Variants in PCDHA10 observed in about 807,000 individuals in gnomAD.
PCDHA10 encodes protocadherin alpha-10.
Under a neutral mutation model 61.2 loss-of-function variants are expected in PCDHA10, and 45 were observed. The ratio of observed to expected loss-of-function variants is 0.74; its 90% confidence interval spans 0.58 to 0.94. The LOEUF (loss-of-function observed/expected upper bound fraction) is 0.94. PCDHA10 is among the 40% of genes least tolerant of loss of function. The probability of loss-of-function intolerance (pLI) is 0.00; values close to 1 mark genes in which losing one functional copy is unlikely to be tolerated. For missense variants in PCDHA10, 1,278 were observed against 1,236.2 expected (o/e 1.03, Z -0.51); for synonymous variants, 602 against 548.8 (o/e 1.10, Z -1.35).
chr5:141,006,207 T>C (rs1434083054), intron 3 of PCDHA10, among the ~76,000 whole-genome samples: 4 of 150,998 alleles, frequency 2.6e-5, no homozygotes, highest in Non-Finnish European at 5.9e-5. Context: ...TTATGCCTCA[T>C]TTTTTTTTAA....
chr5:140,982,373 T>C, intron 2 of PCDHA10, 102 bp from the exon 3 acceptor site: 1 of 1,559,640 alleles, frequency 6.4e-7, no homozygotes, highest in Non-Finnish European at 8.7e-7. Context: ...ATGTGTTAGC[T>C]GCAGCCCTGG....
intron 1 of PCDHA10, among the ~76,000 whole-genome samples, chr5:140,919,556 A>G (rs980403400): frequency 5.9e-5 from 9 of 152,186 alleles, no homozygotes; most frequent in African/African-American, 2.2e-4. Context: ...ACTGATTTAT[A>G]TTAAGTGAAT....
intron 1 of PCDHA10, chr5:140,867,192 C>T (rs2049812222): frequency 1.3e-5 from 2 of 152,080 alleles, no homozygotes; most frequent in African/African-American, 4.8e-5. Flanking sequence ...CGCAAGACTC[C>T]ACATTCCATG....
intron 1 of PCDHA10, among the ~76,000 whole-genome samples, chr5:140,964,575 G>A (rs2153740589): frequency 6.6e-6 from 1 of 152,212 alleles, no homozygotes; most frequent in East Asian, 1.9e-4. Flanking sequence ...GGAGATAAGG[G>A]GAGGAAAGAT....
chr5:140,913,558 G>T (rs1042223174), intron 1 of PCDHA10, among the ~76,000 whole-genome samples: 5 of 151,668 alleles, frequency 3.3e-5, no homozygotes, highest in Admixed American at 3.3e-4. Flanking sequence ...TTGATCTCTT[G>T]TATTTTCATC....
intron 1 of PCDHA10, chr5:140,968,218 A>C (rs1586280879): frequency 6.2e-7 from 1 of 1,614,012 alleles, no homozygotes. Flanking sequence ...ACAATTTGCC[A>C]GGTGTGTTGC....
intron 3 of PCDHA10, among the ~76,000 whole-genome samples, chr5:140,999,657 C>A (rs1257419150): frequency 6.6e-6 from 1 of 152,156 alleles, no homozygotes; most frequent in Non-Finnish European, 1.5e-5. Flanking sequence ...CTGAGCCCTG[C>A]TGGGTTGCGG....
At chr5:140,922,241 G>A (rs1314775680) in intron 1 of PCDHA10, among the ~76,000 whole-genome samples, 1 of 152,192 alleles carries the variant, frequency 6.6e-6, no homozygotes, top group Non-Finnish European at 1.5e-5. Context: ...TGATGTGTAT[G>A]AAGATAAGTT....
chr5:140,993,462 TCACACACACACACACACACACACA>T (rs3836747), intron 3 of PCDHA10, among the ~76,000 whole-genome samples: 3 of 140,938 alleles, frequency 2.1e-5, no homozygotes, highest in African/African-American at 5.3e-5. Flanking sequence ...TCTTTCTTTC[TCACACACACACACACACACACACA>T]CACACACACA....
rs149731120 is a variant in PCDHA10 at position 140,857,612 on chromosome 5, C to T, written c.1564C>T (p.Leu522=). Residue 522 remains leucine, a synonymous_variant, in exon 1 of 4, where the codon CTG becomes TTG. Coordinates refer to ENST00000307360, the MANE Select transcript of PCDHA10 (RefSeq NM_018901.4). The part of the protein sequence containing the change: ...ESGKVYALQP[L]DHEELELLQF... ...CGGCAAGGTGTACGCGCTGCAGCCGCTGGACCACGAGGAGCTGGAGCTGCT... is the reference window on the plus strand; with the variant it reads ...CGGCAAGGTGTACGCGCTGCAGCCGTTGGACCACGAGGAGCTGGAGCTGCT... 1.6e-4 allele frequency: 263 copies of T among 1,596,592 alleles called. 14 individuals carry two copies. Among genetic ancestry groups the T allele is most frequent in the African/African-American group, 1.5e-3 (115 of 74,450 alleles).
chr5:140,997,859 T>C (rs2097788506), intron 3 of PCDHA10, among the ~76,000 whole-genome samples: 1 of 152,216 alleles, frequency 6.6e-6, no homozygotes, highest in Non-Finnish European at 1.5e-5. Context: ...TACATATTTC[T>C]TATGCATGCT....
At chr5:140,887,072 C>T (rs1270434147) in intron 1 of PCDHA10, among the ~76,000 whole-genome samples, 1 of 151,836 alleles carries the variant, frequency 6.6e-6, no homozygotes, top group African/African-American at 2.4e-5. Context: ...CAAATTCACT[C>T]AGCTTTTGTC....
At chr5:140,926,204 G>C (rs888951769) in intron 1 of PCDHA10, among the ~76,000 whole-genome samples, 1 of 151,802 alleles carries the variant, frequency 6.6e-6, no homozygotes, top group South Asian at 2.2e-4. Context: ...CTTTCGGGGG[G>C]CTCCTGTTTC....
intron 1 of PCDHA10, among the ~76,000 whole-genome samples, chr5:140,950,723 A>G (rs1478275346): frequency 1.3e-5 from 2 of 151,984 alleles, no homozygotes; most frequent in African/African-American, 4.8e-5. Flanking sequence ...ATATCCTTAA[A>G]TTTTTTAATC....
chr5:140,927,601 G>C lies in PCDHA10; in HGVS notation c.2389-51348G>C, dbSNP rs1490799029. 27 of 1,614,082 alleles carry C rather than the reference G, an allele frequency of 1.7e-5. No individual in the cohort carries two copies. Among genetic ancestry groups the C allele is most frequent in the Non-Finnish European group, 2.3e-5 (27 of 1,180,040 alleles). Reference sequence around the variant, plus strand: ...CAACGCGCCTGTATTTGAGCGCTCCGTATACCGCACCAAGGTTCCAGAGAC... The same window carrying C: ...CAACGCGCCTGTATTTGAGCGCTCCCTATACCGCACCAAGGTTCCAGAGAC... On this transcript the variant is annotated intron_variant, in intron 1 of 3. Transcript: ENST00000307360.
intron 1 of PCDHA10, among the ~76,000 whole-genome samples, chr5:140,891,039 A>AC (rs143686625): frequency 6.6e-6 from 1 of 152,040 alleles, no homozygotes; most frequent in East Asian, 1.9e-4. Flanking sequence ...CTTAGGTGTG[A>AC]CCCCCACAGC....
intron 1 of PCDHA10, among the ~76,000 whole-genome samples, chr5:140,962,475 T>C (rs772721001): frequency 2.0e-5 from 3 of 152,232 alleles, no homozygotes; most frequent in Non-Finnish European, 4.4e-5. Context: ...TCTCTTTGTT[T>C]ATTCTAAGCA....
intron 3 of PCDHA10, among the ~76,000 whole-genome samples, chr5:141,007,672 A>G (rs782403242): frequency 6.6e-6 from 1 of 152,194 alleles, no homozygotes; most frequent in African/African-American, 2.4e-5. Context: ...TACAAAGACA[A>G]AAGTTATCCT....
intron 1 of PCDHA10, among the ~76,000 whole-genome samples, chr5:140,959,091 G>A (rs1257984257): frequency 3.3e-5 from 5 of 152,048 alleles, no homozygotes; most frequent in African/African-American, 1.2e-4. Context: ...CTTGGTTTCG[G>A]ACATTCAGCA....
Sources: gnomAD v4.1 joint callset for allele counts (sites outside exome capture counted in the v4.1 genomes callset) on GRCh38, gnomAD v4.1.1 for gene constraint, MANE v1.5 for transcripts, NCBI Gene and HGNC (gene_info 2026-07-23, HGNC 2026-07-21) for gene names.